The following CALN1 variants were observed in gnomAD, a reference collection of about 807,000 sequenced individuals.
CALN1 encodes the protein calcium-binding protein 8.
Under a neutral mutation model 30.6 loss-of-function variants are expected in CALN1, and 17 were observed. The observed-to-expected ratio is 0.56, with a 90% confidence interval of 0.38 to 0.83. The LOEUF is 0.83. Ranked by LOEUF, CALN1 falls within the 40% of genes least tolerant of loss-of-function variation. The probability of loss-of-function intolerance (pLI) is 0.00; values close to 1 mark genes in which losing one functional copy is unlikely to be tolerated. For missense variants in CALN1, 291 were observed against 354.9 expected, an observed-to-expected ratio of 0.82 and a Z score of 1.45; for synonymous variants, 156 against 131.4, an observed-to-expected ratio of 1.19 and a Z score of -1.28.
Position 72,016,945 on chromosome 7 carries a change from G to A in CALN1, c.501+6712C>T, listed in dbSNP as rs531778029. On this transcript the variant is annotated intron_variant, in intron 5 of 6. Transcript: ENST00000395275. ...AGGTGAGTGGATCACTTGAGGCCAG[G>A]AGCTCAAGACCAGCCTGGCCAAGGT... Among the ~76,000 whole-genome samples, 18 of 145,734 alleles carry A rather than the reference G, an allele frequency of 1.2e-4. 1 individual carries two copies. The South Asian group carries it at 4.0e-3, about 32-fold the overall frequency.
chr7:71,872,268 A>G (rs1791981405), intron 5 of CALN1, among the ~76,000 whole-genome samples: 2 of 152,196 alleles, frequency 1.3e-5, no homozygotes, highest in Admixed American at 6.5e-5. Context: ...TGCACCTGAC[A>G]CATAGTAGGT....
rs1190799242 is a variant in CALN1 at position 72,338,527 on chromosome 7, G to GTGTGTGTC, written c.120-59718_120-59717insGACACACA. ...TGTGTGTGTGTGTGTGTGTGTGTGT[G>GTGTGTGTC]TCTCACCTGGGTGTGGTTTCAGAGT... is the stretch of plus-strand genomic sequence containing the variant. On this transcript the variant is annotated intron_variant, in intron 2 of 6. Coordinates refer to ENST00000395275, the MANE Select transcript of CALN1 (RefSeq NM_031468.4). Among the ~76,000 whole-genome samples the GTGTGTGTC allele has an allele frequency of 8.9e-4, 129 of 144,570 alleles. 5 individuals carry two copies. Among genetic ancestry groups the GTGTGTGTC allele is most frequent in the African/African-American group, 3.1e-3 (114 of 36,994 alleles). 94.8% of individuals were successfully genotyped at this position (144,570 alleles called of 152,430 possible).
intron 3 of CALN1, among the ~76,000 whole-genome samples, chr7:72,250,387 G>A (rs1795472954): frequency 6.6e-6 from 1 of 152,200 alleles, no homozygotes; most frequent in Non-Finnish European, 1.5e-5. Context: ...TGACAGCATA[G>A]GACCTGGCAG....
intron 2 of CALN1, among the ~76,000 whole-genome samples, chr7:72,397,712 TCTCACACACA>T (rs1220270759): frequency 1.7e-4 from 12 of 70,290 alleles, no homozygotes; most frequent in African/African-American, 5.7e-4. Flanking sequence ...ACCCATTCTC[TCTCACACACA>T]CACACACACA....
chr7:72,415,442 G>T (rs1248303473), upstream of CALN1, among the ~76,000 whole-genome samples: 2 of 152,256 alleles, frequency 1.3e-5, no homozygotes, highest in Non-Finnish European at 2.9e-5. Flanking sequence ...ATCCATTGTT[G>T]CTATGAGTGA....
At chr7:72,098,925 C>A (rs1432885280) in intron 4 of CALN1, among the ~76,000 whole-genome samples, 1 of 152,194 alleles carries the variant, frequency 6.6e-6, no homozygotes, top group East Asian at 1.9e-4. Context: ...GAAATCCAGG[C>A]GAGATCCCTA....
intron 3 of CALN1, among the ~76,000 whole-genome samples, chr7:72,236,698 C>T (rs1794491729): frequency 6.6e-6 from 1 of 152,168 alleles, no homozygotes; most frequent in Non-Finnish European, 1.5e-5. Flanking sequence ...AATGACATCC[C>T]AGAGCAAACT....
At chr7:72,128,507 AT>A (rs1181975902) in intron 3 of CALN1, among the ~76,000 whole-genome samples, 2 of 152,226 alleles carry the variant, frequency 1.3e-5, no homozygotes, top group African/African-American at 4.8e-5. Context: ...TTTTTAAATA[AT>A]TTTAAGAGTG....
chr7:71,997,455 G>T (rs571110220), intron 5 of CALN1, among the ~76,000 whole-genome samples: 25 of 152,206 alleles, frequency 1.6e-4, no homozygotes, highest in Non-Finnish European at 3.2e-4. Context: ...AAAATTCAAC[G>T]CTCATCAGAG....
At chr7:72,247,579 G>C (rs1305277895) in intron 3 of CALN1, among the ~76,000 whole-genome samples, 1 of 152,076 alleles carries the variant, frequency 6.6e-6, no homozygotes, top group African/African-American at 2.4e-5. Context: ...TCTTATTAAA[G>C]ATAAATTATG....
chr7:71,925,237 A>AGG (rs1043314833), intron 5 of CALN1, among the ~76,000 whole-genome samples: 8 of 152,000 alleles, frequency 5.3e-5, no homozygotes, highest in South Asian at 2.1e-4. Flanking sequence ...TGAGACTCTG[A>AGG]GGGGGAGAGA....
intron 2 of CALN1, among the ~76,000 whole-genome samples, chr7:72,367,387 G>T (rs943643518): frequency 1.2e-4 from 19 of 152,116 alleles, no homozygotes; most frequent in Non-Finnish European, 2.8e-4. Flanking sequence ...CACTCAGAAG[G>T]CTGAGGTGGG....
In CALN1 at chr7:72,081,582, C is replaced by T. The variant is rs115654700; in HGVS notation, c.388+24569G>A. On this transcript the variant is annotated intron_variant, in intron 4 of 6. Transcript: ENST00000395275. Reference sequence around the variant, plus strand: ...GGACTACAGGTGTGCACCACCATGCCGAGCTAGTTTTTATCTTTTTGTAGA... The same window carrying T: ...GGACTACAGGTGTGCACCACCATGCTGAGCTAGTTTTTATCTTTTTGTAGA... 3.3e-3 allele frequency among the ~76,000 whole-genome samples: 502 copies of T among 152,160 alleles called. 6 individuals carry two copies. Among genetic ancestry groups the T allele is most frequent in the African/African-American group, 0.012 (478 of 41,514 alleles).
chr7:72,141,133 C>T (rs949813157), intron 3 of CALN1, among the ~76,000 whole-genome samples: 3 of 152,030 alleles, frequency 2.0e-5, no homozygotes, highest in Non-Finnish European at 2.9e-5. Flanking sequence ...AACAATTATC[C>T]AATAGAAAAA....
chr7:72,365,522 T>C (rs985429642), intron 2 of CALN1, among the ~76,000 whole-genome samples: 3 of 152,080 alleles, frequency 2.0e-5, no homozygotes. Flanking sequence ...CTCAACCTCC[T>C]GGGCCCAAGC....
chr7:72,242,258 T>C (rs73704336), intron 3 of CALN1, among the ~76,000 whole-genome samples: 28,746 of 152,142 alleles, frequency 0.19, 3,773 homozygotes, highest in East Asian at 0.43. Flanking sequence ...CTATACCACA[T>C]TCTTTCCACC....
chr7:72,436,769 G>A (rs976729397), intron 1 of CALN1, among the ~76,000 whole-genome samples: 2 of 152,138 alleles, frequency 1.3e-5, no homozygotes, highest in Non-Finnish European at 2.9e-5. Context: ...CATCACCTGG[G>A]AAAGCTGTTG....
intron 6 of CALN1, among the ~76,000 whole-genome samples, chr7:71,809,248 T>C (rs910152520): frequency 6.6e-6 from 1 of 151,926 alleles, no homozygotes. Context: ...GCTGGGTCCA[T>C]GATGCAGCAG....
intron 6 of CALN1, among the ~76,000 whole-genome samples, chr7:71,807,141 T>C (rs1787671263): frequency 1.3e-5 from 2 of 151,978 alleles, no homozygotes; most frequent in South Asian, 4.1e-4. Flanking sequence ...GAGGGAGATT[T>C]AGGAGGTGGA....
Sources: allele counts gnomAD v4.1 joint callset (sites outside exome capture counted in the v4.1 genomes callset), GRCh38; gene constraint gnomAD v4.1.1; transcripts MANE v1.5; gene names NCBI Gene and HGNC (gene_info 2026-07-23, HGNC 2026-07-21).